The following KCND2 variants were observed in gnomAD, a reference collection of about 807,000 sequenced individuals.
KCND2 encodes potassium voltage-gated channel subfamily D member 2.
Under a neutral mutation model 54.4 loss-of-function variants are expected in KCND2, and 16 were observed. The ratio of observed to expected loss-of-function variants is 0.29; its 90% CI spans 0.20 to 0.45. The LOEUF (loss-of-function observed/expected upper bound fraction) is 0.45, where lower values mean the gene tolerates loss of function less well. Ranked by LOEUF, KCND2 falls within the 20% of genes least tolerant of loss-of-function variation. The pLI is 1.00. For missense variants in KCND2, 486 were observed against 824.2 expected (o/e 0.59, Z 5.02); for synonymous variants, 317 against 310.7 (o/e 1.02, Z -0.21).
chr7:120,669,413 T>G (rs1451531122), intron 1 of KCND2, among the ~76,000 whole-genome samples: 2 of 152,042 alleles, frequency 1.3e-5, no homozygotes, highest in African/African-American at 4.8e-5. Context: ...TTAGATAAAT[T>G]GATAGAATCA....
chr7:120,745,652 G>A, intron 4 of KCND2, 128 bp from the exon 5 acceptor site: 1 of 959,854 alleles, frequency 1.0e-6, no homozygotes, highest in Non-Finnish European at 1.6e-6. Flanking sequence ...TATGAAAATG[G>A]TTTTATTTAA....
At chr7:120,603,897 CT>C (rs1792845994) in intron 1 of KCND2, among the ~76,000 whole-genome samples, 1 of 152,104 alleles carries the variant, frequency 6.6e-6, no homozygotes, top group Admixed American at 6.6e-5. Flanking sequence ...GATCTGACTA[CT>C]TTTTTTAAAT....
intron 1 of KCND2, among the ~76,000 whole-genome samples, chr7:120,431,820 C>G (rs1221098092): frequency 6.6e-6 from 1 of 151,910 alleles, no homozygotes; most frequent in Non-Finnish European, 1.5e-5. Context: ...TCTTGCTGTC[C>G]CTCTCTTTTC....
At chr7:120,534,494 C>A (rs561573969) in intron 1 of KCND2, among the ~76,000 whole-genome samples, 5 of 152,040 alleles carry the variant, frequency 3.3e-5, no homozygotes, top group Non-Finnish European at 7.4e-5. Flanking sequence ...GAAACTGCCC[C>A]AGTGTAGAGG....
intron 1 of KCND2, among the ~76,000 whole-genome samples, chr7:120,467,752 A>T (rs1398960083): frequency 6.6e-6 from 1 of 152,104 alleles, no homozygotes; most frequent in African/African-American, 2.4e-5. Flanking sequence ...AATAAGCTAT[A>T]CACAACACAC....
chr7:120,376,068 G>A (rs1057410804), intron 1 of KCND2, among the ~76,000 whole-genome samples: 6 of 151,576 alleles, frequency 4.0e-5, no homozygotes, highest in African/African-American at 1.5e-4. Flanking sequence ...AATATCCTTT[G>A]CTTATCTCCC....
rs553922528 is a variant in KCND2 at position 120,393,088 on chromosome 7, A to G, written c.1115+117341A>G. On this transcript the variant is annotated intron_variant, in intron 1 of 5. Transcript: ENST00000331113. ...TTTGATAGCCTCACTGTCTCTTCTT[A>G]TGTTTTCTAAACTGTCCAAAATATT... is the stretch of plus-strand genomic sequence containing the variant. Among the ~76,000 whole-genome samples, 4 of 152,134 alleles carry G rather than the reference A, an allele frequency of 2.6e-5. No homozygotes were observed. In the East Asian group the frequency reaches 7.7e-4, roughly 29 times the overall value.
chr7:120,475,752 G>T (rs572732086), intron 1 of KCND2, among the ~76,000 whole-genome samples: 5 of 152,112 alleles, frequency 3.3e-5, no homozygotes, highest in African/African-American at 1.2e-4. Context: ...AAAATTAATT[G>T]TGCCCATATA....
rs571233421 is a variant in KCND2, at chr7:120,411,256, A to G, written c.1115+135509A>G. On this transcript the variant is annotated intron_variant, in intron 1 of 5. Coordinates refer to ENST00000331113, the MANE Select transcript of KCND2 (RefSeq NM_012281.3). Reference sequence around the variant, plus strand: ...TTTTAATTTAAATTTTCAGTTGTCCACTATCCTTAAAGATCATTTATATAG... The same window carrying G: ...TTTTAATTTAAATTTTCAGTTGTCCGCTATCCTTAAAGATCATTTATATAG... Among the ~76,000 whole-genome samples, 5 of 151,960 alleles carry G rather than the reference A, an allele frequency of 3.3e-5. No individual in the cohort carries two copies. The South Asian group carries it at 1.0e-3, about 31-fold the overall frequency.
chr7:120,587,171 G>A (rs1792610559), intron 1 of KCND2, among the ~76,000 whole-genome samples: 1 of 152,026 alleles, frequency 6.6e-6, no homozygotes, highest in Non-Finnish European at 1.5e-5. Context: ...GTCTTCTTTG[G>A]TAATTTTAGT....
intron 1 of KCND2, among the ~76,000 whole-genome samples, chr7:120,708,909 A>G (rs1792503158): frequency 1.3e-5 from 2 of 152,148 alleles, no homozygotes; most frequent in South Asian, 2.1e-4. Context: ...TTGTTTACCC[A>G]GTAGGCTCTA....
upstream of KCND2, among the ~76,000 whole-genome samples, chr7:120,273,169 C>A (rs1414544473): frequency 6.6e-6 from 1 of 152,160 alleles, no homozygotes; most frequent in African/African-American, 2.4e-5. Context: ...GCAGGAGACG[C>A]CTTTCCTAAC....
At chr7:120,322,948 A>G (rs1472837935) in intron 1 of KCND2, among the ~76,000 whole-genome samples, 2 of 152,160 alleles carry the variant, frequency 1.3e-5, no homozygotes, top group African/African-American at 4.8e-5. Flanking sequence ...TTTATAGTAT[A>G]AAATAAATAG....
At chr7:120,290,251 C>A (rs1371263121) in intron 1 of KCND2, among the ~76,000 whole-genome samples, 1 of 152,042 alleles carries the variant, frequency 6.6e-6, no homozygotes, top group African/African-American at 2.4e-5. Context: ...CTAGCCACTT[C>A]TTCAACCACA....
chr7:120,321,290 T>A (rs1307085748), intron 1 of KCND2, among the ~76,000 whole-genome samples: 1 of 152,100 alleles, frequency 6.6e-6, no homozygotes, highest in Non-Finnish European at 1.5e-5. Context: ...TTTTCTGTAT[T>A]CATCTTTGGA....
At chr7:120,652,130 C>T (rs993396638) in intron 1 of KCND2, among the ~76,000 whole-genome samples, 2 of 150,966 alleles carry the variant, frequency 1.3e-5, no homozygotes, top group Non-Finnish European at 2.9e-5. Context: ...GGCTGGAGTG[C>T]AGTGGCACAG....
chr7:120,507,662 A>G (rs1469024244), intron 1 of KCND2, among the ~76,000 whole-genome samples: 2 of 151,902 alleles, frequency 1.3e-5, no homozygotes, highest in Non-Finnish European at 2.9e-5. Context: ...ATGCAGTATC[A>G]AGATAGAATA....
chr7:120,645,013 C>T (rs1468113572), intron 1 of KCND2, among the ~76,000 whole-genome samples: 3 of 152,124 alleles, frequency 2.0e-5, no homozygotes, highest in Non-Finnish European at 4.4e-5. Flanking sequence ...CCATATCTGC[C>T]TTTAATGTCT....
intron 1 of KCND2, among the ~76,000 whole-genome samples, chr7:120,472,978 T>C (rs1021543307): frequency 6.6e-6 from 1 of 152,144 alleles, no homozygotes; most frequent in African/African-American, 2.4e-5. Flanking sequence ...ATGTAGACAG[T>C]AGTGGATAGG....
Sources: gnomAD v4.1 joint callset for allele counts (sites outside exome capture counted in the v4.1 genomes callset) on GRCh38, gnomAD v4.1.1 for gene constraint, MANE v1.5 for transcripts, NCBI Gene and HGNC (gene_info 2026-07-23, HGNC 2026-07-21) for gene names.